Variants in PLAAT1 observed in about 807,000 individuals in gnomAD.
The protein encoded by PLAAT1 is H-REV107 protein-related protein.
Under a neutral mutation model 16.4 loss-of-function variants are expected in PLAAT1, and 13 were observed. The observed-to-expected ratio is 0.79, with a 90% CI of 0.52 to 1.26. The LOEUF (loss-of-function observed/expected upper bound fraction) is 1.26. Ranked by LOEUF, PLAAT1 falls within the 50% of genes most tolerant of loss-of-function variation. The probability of loss-of-function intolerance (pLI) is 0.00; values close to 1 mark genes in which losing one functional copy is unlikely to be tolerated. For synonymous variants in PLAAT1, 73 were observed against 78.4 expected (o/e 0.93, Z 0.36); for missense variants, 218 against 207.8 (o/e 1.05, Z -0.30).
chr3:193,262,010 G>C (rs1174914485), intron 2 of PLAAT1, among the ~76,000 whole-genome samples: 1 of 152,168 alleles, frequency 6.6e-6, no homozygotes, highest in African/African-American at 2.4e-5. Context: ...ATTACTAAAA[G>C]AGAAAGTTTC....
intron 2 of PLAAT1, among the ~76,000 whole-genome samples, chr3:193,260,261 A>G (rs1373012937): frequency 6.6e-6 from 1 of 152,206 alleles, no homozygotes; most frequent in African/African-American, 2.4e-5. Context: ...TCCCAGAAGA[A>G]AACCTAGGAA....
intron 1 of PLAAT1, among the ~76,000 whole-genome samples, chr3:193,243,801 A>G (rs1351018011): frequency 1.3e-5 from 2 of 152,198 alleles, no homozygotes; most frequent in African/African-American, 4.8e-5. Context: ...GTCTAACAGA[A>G]CAACCTGTCA....
At chr3:193,269,760 A>C (rs760292824) in intron 3 of PLAAT1, among the ~76,000 whole-genome samples, 1 of 152,148 alleles carries the variant, frequency 6.6e-6, no homozygotes, top group Non-Finnish European at 1.5e-5. Context: ...ATCAAATTGC[A>C]CTCAAACCCA....
In PLAAT1 at chr3:193,275,969, T is replaced by TA. The variant is rs577699110; in HGVS notation, c.*60-1664dup. Among the ~76,000 whole-genome samples the TA allele has an allele frequency of 6.7e-3, 1,017 of 152,288 alleles. 8 individuals carry two copies. The highest frequency in any genetic ancestry group is 0.01 in the Non-Finnish European group (682 of 68,002). On this transcript the variant is annotated intron_variant and NMD_transcript_variant, in intron 2 of 2. Coordinates refer to the PLAAT1 transcript ENST00000416012. ...TTCCTCAAATCGCTGTATAGCTATT[T>TA]AAACAAACAGCATCTCAACAACACT...
downstream of PLAAT1, among the ~76,000 whole-genome samples, chr3:193,273,115 ATC>A (rs1246338795): frequency 6.6e-6 from 1 of 152,220 alleles, no homozygotes; most frequent in East Asian, 1.9e-4. Context: ...ACTTTATTGA[ATC>A]TATTTTTTAA....
chr3:193,272,916 T>A (rs575506407), downstream of PLAAT1, among the ~76,000 whole-genome samples: 1 of 152,324 alleles, frequency 6.6e-6, no homozygotes, highest in South Asian at 2.1e-4. Context: ...TTATTTGATA[T>A]CATGCTCATT....
intron 1 of PLAAT1, among the ~76,000 whole-genome samples, chr3:193,246,724 T>A (rs1198599938): frequency 1.3e-5 from 2 of 152,208 alleles, no homozygotes; most frequent in Non-Finnish European, 2.9e-5. Flanking sequence ...CCCACTTGAT[T>A]ATGGTGAGTG....
chr3:193,248,082 C>T (rs572247284), intron 1 of PLAAT1, among the ~76,000 whole-genome samples: 31 of 152,138 alleles, frequency 2.0e-4, no homozygotes, highest in African/African-American at 4.3e-4. Flanking sequence ...TTTATGTATT[C>T]GGTGCTTTGA....
intron 1 of PLAAT1, among the ~76,000 whole-genome samples, chr3:193,245,669 G>T (rs1278895568): frequency 6.6e-6 from 1 of 152,116 alleles, no homozygotes; most frequent in East Asian, 1.9e-4. Context: ...ATATACAAGG[G>T]TTTCCTTTTC....
chr3:193,281,352 G>A (rs894753377), downstream of PLAAT1: 1 of 196,380 alleles, frequency 5.1e-6, no homozygotes, highest in African/African-American at 2.4e-5. Context: ...AGTGAGCAAT[G>A]TAGAAACAAA....
downstream of PLAAT1, among the ~76,000 whole-genome samples, chr3:193,273,769 T>G (rs1276506010): frequency 6.6e-6 from 1 of 152,210 alleles, no homozygotes; most frequent in Non-Finnish European, 1.5e-5. Flanking sequence ...TTGTAAAGGA[T>G]GCACCCTTTC....
chr3:193,241,180 G>C, upstream of PLAAT1: 1 of 1,216,036 alleles, frequency 8.2e-7, no homozygotes, highest in Non-Finnish European at 1.0e-6. Context: ...TAGCCGGAGC[G>C]ACTGTGCCCC....
chr3:193,256,496 T>G, intron 2 of PLAAT1, among the ~76,000 whole-genome samples: 1 of 152,116 alleles, frequency 6.6e-6, no homozygotes, highest in South Asian at 2.1e-4. Context: ...GGATAAAGAA[T>G]TAGGAACAGT....
At chr3:193,258,124 A>G (rs1177166824) in intron 2 of PLAAT1, among the ~76,000 whole-genome samples, 6 of 152,188 alleles carry the variant, frequency 3.9e-5, no homozygotes, top group South Asian at 2.1e-4. Context: ...ATATACATCT[A>G]TCCTATTAGT....
chr3:193,243,149 CTTT>C (rs1269756799), intron 1 of PLAAT1, among the ~76,000 whole-genome samples: 4 of 152,194 alleles, frequency 2.6e-5, no homozygotes, highest in African/African-American at 9.7e-5. Context: ...TCATGCCACT[CTTT>C]ATTATAAACT....
intron 2 of PLAAT1, among the ~76,000 whole-genome samples, chr3:193,257,117 C>G (rs1002645141): frequency 6.6e-6 from 1 of 152,134 alleles, no homozygotes; most frequent in Non-Finnish European, 1.5e-5. Context: ...TGACCATAAG[C>G]AGCTTTAGGT....
At chr3:193,243,644 A>G (rs1715864683) in intron 1 of PLAAT1, among the ~76,000 whole-genome samples, 1 of 152,216 alleles carries the variant, frequency 6.6e-6, no homozygotes, top group East Asian at 1.9e-4. Context: ...ATAAAAAAGG[A>G]GCATGAACTC....
upstream of PLAAT1, among the ~76,000 whole-genome samples, chr3:193,240,663 G>A (rs981917475): frequency 6.8e-6 from 1 of 146,362 alleles, no homozygotes; most frequent in Non-Finnish European, 1.5e-5. Flanking sequence ...GCGTGTGTGT[G>A]TGTGTGTGTG....
At chr3:193,241,185 T>C, upstream of PLAAT1, 1 of 1,218,000 alleles carries the variant, frequency 8.2e-7, no homozygotes. Context: ...GGAGCGACTG[T>C]GCCCCGCCTC....
Sources: gnomAD v4.1 joint callset for allele counts (sites outside exome capture counted in the v4.1 genomes callset) on GRCh38, gnomAD v4.1.1 for gene constraint, MANE v1.5 for transcripts, NCBI Gene and HGNC (gene_info 2026-07-23, HGNC 2026-07-21) for gene names.